HTR3B: variants seen among roughly 807,000 people sequenced by gnomAD.
HTR3B encodes 5-hydroxytryptamine receptor 3B.
Under a neutral mutation model 42.8 loss-of-function variants are expected in HTR3B, and 44 were observed. The observed-to-expected ratio is 1.03, with a 90% CI of 0.81 to 1.32. The LOEUF is 1.32. Ranked by LOEUF, HTR3B falls within the 40% of genes most tolerant of loss-of-function variation. HTR3B has a pLI of 0.00. For synonymous variants in HTR3B, 203 were observed against 209.0 expected (o/e 0.97, Z 0.25); for missense variants, 527 against 536.5 (o/e 0.98, Z 0.17).
In HTR3B at chr11:113,931,411, AG is replaced by A; in HGVS notation, c.242del (p.Ser81MetfsTer30). 6.3e-7 allele frequency: 1 copy of A among 1,599,988 alleles called. No individual in the cohort carries two copies. The highest frequency in any genetic ancestry group is 1.1e-5 in the South Asian group (1 of 88,864). ...TGCAGAGAATCAAATATTAAAGACA[AG>A]TGTATGGTACCAAGAGGTAAATAAT... ...VDAENQILKTSVWYQEVWNDE... is the reference protein window; with the variant it reads ...VDAENQILKTXVWYQEVWNDE... On this transcript the variant is annotated frameshift_variant, in exon 3 of 9. Coordinates refer to ENST00000260191, the MANE Select transcript of HTR3B (RefSeq NM_006028.5). LOFTEE classifies it high-confidence loss of function.
intron 2 of HTR3B, among the ~76,000 whole-genome samples, chr11:113,925,693 CTCTTT>C (rs1164652243): frequency 1.3e-5 from 2 of 151,616 alleles, no homozygotes; most frequent in Non-Finnish European, 2.9e-5. Flanking sequence ...TCCTTTTATT[CTCTTT>C]TAAGGATGCA....
chr11:113,935,740 G>A (rs895324044), intron 6 of HTR3B, among the ~76,000 whole-genome samples: 1 of 152,118 alleles, frequency 6.6e-6, no homozygotes, highest in East Asian at 1.9e-4. Context: ...GGCCTGCCAG[G>A]GTCCTGACAG....
intron 6 of HTR3B, among the ~76,000 whole-genome samples, chr11:113,941,908 C>T (rs559764822): frequency 1.4e-4 from 22 of 152,216 alleles, no homozygotes; most frequent in Admixed American, 1.0e-3. Flanking sequence ...GGGGTCTGCC[C>T]GCCATCTTGT....
chr11:113,922,430 C>T (rs1949924899), intron 2 of HTR3B, among the ~76,000 whole-genome samples: 1 of 151,992 alleles, frequency 6.6e-6, no homozygotes, highest in Non-Finnish European at 1.5e-5. Flanking sequence ...GACTTAATTT[C>T]GCCATGTTGC....
intron 6 of HTR3B, among the ~76,000 whole-genome samples, 195 bp downstream of exon 6, chr11:113,933,288 C>A (rs1401068735): frequency 6.6e-6 from 1 of 152,106 alleles, no homozygotes; most frequent in East Asian, 1.9e-4. Context: ...ATGCTGGGCC[C>A]CTCCAGAAGA....
At chr11:113,913,665 C>T (rs1949821836) in intron 2 of HTR3B, among the ~76,000 whole-genome samples, 1 of 151,640 alleles carries the variant, frequency 6.6e-6, no homozygotes, top group African/African-American at 2.4e-5. Flanking sequence ...CAGGCACGTG[C>T]CATCACACCC....
chr11:113,914,748 T>C (rs1187403131), intron 2 of HTR3B, among the ~76,000 whole-genome samples: 1 of 152,146 alleles, frequency 6.6e-6, no homozygotes, highest in Non-Finnish European at 1.5e-5. Flanking sequence ...GGTATCAGGA[T>C]TGTGTTGGCC....
chr11:113,943,097 T>C lies in HTR3B; in HGVS notation c.812T>C (p.Ile271Thr). 2 of 1,614,050 alleles carry C rather than the reference T, an allele frequency of 1.2e-6. No homozygotes were observed. ...CTGCCACCCAACTGCCGAGCCAGGA[T>C]TGTGTTCAAGACCAGTGTGCTGGTG... is the stretch of plus-strand genomic sequence containing the variant. ...FYLPPNCRARIVFKTSVLVGY... is the reference protein window; with the variant it reads ...FYLPPNCRARTVFKTSVLVGY... The change falls in exon 7 of 9, where the codon ATT becomes ACT. Residue 271 changes from isoleucine to threonine, a missense_variant. Physicochemically the swap from Ile to Thr is moderately conservative, Grantham distance 89. Transcript: ENST00000260191.
chr11:113,902,045 A>G (rs963714771), upstream of HTR3B, among the ~76,000 whole-genome samples: 3 of 152,214 alleles, frequency 2.0e-5, no homozygotes, highest in Non-Finnish European at 2.9e-5. Context: ...TCAGTCCTCT[A>G]TGATCTTCCC....
intron 6 of HTR3B, among the ~76,000 whole-genome samples, chr11:113,939,313 C>T (rs1490646310): frequency 2.0e-5 from 3 of 152,214 alleles, no homozygotes; most frequent in Admixed American, 2.0e-4. Flanking sequence ...TGAGGACTAT[C>T]CTTCTGACAG....
chr11:113,947,269 A>G lies in HTR3B; in HGVS notation c.*1132A>G, dbSNP rs1334708015. 1.3e-5 allele frequency among the ~76,000 whole-genome samples: 2 copies of G among 151,900 alleles called. No individual in the cohort carries two copies. Among genetic ancestry groups the G allele is most frequent in the Non-Finnish European group, 2.9e-5 (2 of 67,978 alleles). On this transcript the variant is annotated 3_prime_UTR_variant, in exon 9 of 9. Coordinates refer to ENST00000260191, the MANE Select transcript of HTR3B (RefSeq NM_006028.5). ...CAGGTGCATGCCACCACACCCAGCT[A>G]ATTTTCTGTATTTTAGTAGCAGGTG...
At chr11:113,920,844 ACT>A (rs1278325537) in intron 2 of HTR3B, among the ~76,000 whole-genome samples, 1 of 151,826 alleles carries the variant, frequency 6.6e-6, no homozygotes, top group African/African-American at 2.4e-5. Flanking sequence ...ACAGAGTCTC[ACT>A]CTGTCGCCCA....
intron 6 of HTR3B, among the ~76,000 whole-genome samples, chr11:113,939,485 G>A (rs1950116988): frequency 6.6e-6 from 1 of 152,142 alleles, no homozygotes; most frequent in Non-Finnish European, 1.5e-5. Flanking sequence ...TATCCACAAA[G>A]CCTGCCTACC....
At chr11:113,903,585 C>T (rs550213018), upstream of HTR3B, among the ~76,000 whole-genome samples, 7 of 152,066 alleles carry the variant, frequency 4.6e-5, no homozygotes, top group East Asian at 1.9e-4. Flanking sequence ...TGTGCCACCA[C>T]GCCTGACTAA....
At chr11:113,929,952 T>C (rs1006903293) in intron 2 of HTR3B, among the ~76,000 whole-genome samples, 1 of 152,124 alleles carries the variant, frequency 6.6e-6, no homozygotes, top group Non-Finnish European at 1.5e-5. Context: ...CAGGATGGTC[T>C]CCATCTCCTG....
At chr11:113,943,847 AAAAG>A (rs1434564071) in intron 7 of HTR3B, among the ~76,000 whole-genome samples, 4 of 151,822 alleles carry the variant, frequency 2.6e-5, no homozygotes, top group African/African-American at 7.2e-5. Context: ...GAAAGAGAGA[AAAAG>A]AAAGAGAGAA....
intron 1 of HTR3B, among the ~76,000 whole-genome samples, chr11:113,908,180 T>A (rs765426653): frequency 6.6e-6 from 1 of 152,206 alleles, no homozygotes; most frequent in Non-Finnish European, 1.5e-5. Context: ...CCAGCATTGT[T>A]GTTAGCGTTT....
chr11:113,917,293 C>A (rs909311573), intron 2 of HTR3B, among the ~76,000 whole-genome samples: 1 of 152,040 alleles, frequency 6.6e-6, no homozygotes, highest in South Asian at 2.1e-4. Flanking sequence ...CCACCACGCC[C>A]AGCTAATTTT....
chr11:113,913,373 T>A (rs1949816489), intron 2 of HTR3B, among the ~76,000 whole-genome samples: 1 of 138,530 alleles, frequency 7.2e-6, no homozygotes, highest in African/African-American at 2.7e-5. Flanking sequence ...TTTTTTTTTT[T>A]TTTTTTTTTG....
Sources: allele counts gnomAD v4.1 joint callset (sites outside exome capture counted in the v4.1 genomes callset), GRCh38; gene constraint gnomAD v4.1.1; transcripts MANE v1.5; gene names NCBI Gene and HGNC (gene_info 2026-07-23, HGNC 2026-07-21).